The following NUBP1 variants were observed in gnomAD, a reference collection of about 807,000 sequenced individuals.
The protein encoded by NUBP1 is NUBP iron-sulfur cluster assembly factor 1, cytosolic, also known as cytosolic Fe-S cluster assembly factor NUBP1.
In NUBP1, 46 loss-of-function variants were observed where a neutral mutation model predicts 41.8. The observed-to-expected ratio is 1.10, with a 90% CI of 0.87 to 1.41. NUBP1 has a LOEUF of 1.41. Among genes scored for constraint, NUBP1 ranks in the 40% most tolerant of loss-of-function variants. The probability of loss-of-function intolerance (pLI) is 0.00; values close to 1 mark genes in which losing one functional copy is unlikely to be tolerated. For missense variants in NUBP1, 494 were observed against 414.0 expected, an observed-to-expected ratio of 1.19 and a Z score of -1.68; for synonymous variants, 189 against 154.6, an observed-to-expected ratio of 1.22 and a Z score of -1.65.
chr16:10,765,847 A>C lies in NUBP1; in HGVS notation c.821-2102A>C, dbSNP rs2030793368. ...GAACATTAAGTGCCTTCTAGTGGGC[A>C]TGGTCCTGTGTGTCAAATGGCACAT... On this transcript the variant is annotated intron_variant, in intron 9 of 10. Transcript: ENST00000283027. This position sits in a 1 kb window ranked among gnomAD's most constrained non-coding sequence, Gnocchi z 4.0. Among the ~76,000 whole-genome samples, 1 of 152,206 alleles carries C rather than the reference A, an allele frequency of 6.6e-6. No homozygotes were observed. Among genetic ancestry groups the C allele is most frequent in the South Asian group, 2.1e-4 (1 of 4,834 alleles).
intron 3 of NUBP1, among the ~76,000 whole-genome samples, chr16:10,750,819 G>T (rs1900284310): frequency 6.6e-6 from 1 of 152,198 alleles, no homozygotes; most frequent in South Asian, 2.1e-4. Context: ...TTGGGGTGCT[G>T]AGTAAAGGAG....
chr16:10,755,868 G>C, intron 5 of NUBP1, 115 bp downstream of exon 5: 2 of 971,144 alleles, frequency 2.1e-6, no homozygotes, highest in South Asian at 2.9e-5. Context: ...GAGGCACAGA[G>C]GATGTGATTA....
chr16:10,747,108 G>A (rs1285595818), intron 2 of NUBP1, 35 bp from the exon 3 acceptor site: 5 of 1,611,574 alleles, frequency 3.1e-6, no homozygotes, highest in Admixed American at 1.7e-5. Flanking sequence ...GTTTGGTGTG[G>A]GACCTCATCC....
intron 9 of NUBP1, among the ~76,000 whole-genome samples, chr16:10,763,348 G>A (rs905419987): frequency 2.0e-5 from 3 of 152,066 alleles, no homozygotes; most frequent in Non-Finnish European, 4.4e-5. Flanking sequence ...TCGAGGAAGT[G>A]GTAGGGGGGT....
chr16:10,752,579 T>C (rs752290801), intron 3 of NUBP1, 31 bp from the exon 4 acceptor site: 1 of 1,592,918 alleles, frequency 6.3e-7, no homozygotes, highest in Non-Finnish European at 8.6e-7. Flanking sequence ...CATTCAGTTA[T>C]ATAACCGCTT....
chr16:10,744,043 A>T lies in NUBP1; in HGVS notation c.102A>T (p.Gly34=). ...CCAACCAGCGGCTGTGCGCTTCTGGAGCGGGGGCCACTCCGGACACGGGTG... is the reference window on the plus strand; with the variant it reads ...CCAACCAGCGGCTGTGCGCTTCTGGTGCGGGGGCCACTCCGGACACGGGTG... ...GCPNQRLCAS[G]AGATPDTAIE... The change falls in exon 2 of 11, where the codon GGA becomes GGT. Residue 34 remains glycine, a synonymous_variant. Transcript: ENST00000283027. The T allele has an allele frequency of 6.3e-7, 1 of 1,576,270 alleles. No individual in the cohort carries two copies. The highest frequency in any genetic ancestry group is 1.2e-5 in the South Asian group (1 of 85,934).
rs1003659585 is a variant in NUBP1 at position 10,765,481 on chromosome 16, C to A, written c.821-2468C>A. On this transcript the variant is annotated intron_variant, in intron 9 of 10. Coordinates refer to ENST00000283027, the MANE Select transcript of NUBP1 (RefSeq NM_002484.4). This position sits in a 1 kb window ranked among gnomAD's most constrained non-coding sequence, Gnocchi z 4.0. The stretch of plus-strand genomic sequence containing the variant: ...CATGATCACACCACTGCACTCCAGC[C>A]TGGGCGACAGAGCAAGAACCTGTCT... Among the ~76,000 whole-genome samples the A allele has an allele frequency of 2.0e-5, 3 of 152,124 alleles. No individual in the cohort carries two copies. Among genetic ancestry groups the A allele is most frequent in the Non-Finnish European group, 4.4e-5 (3 of 68,026 alleles).
chr16:10,758,543 G>GA (rs1555473637), intron 7 of NUBP1, among the ~76,000 whole-genome samples: 1 of 151,470 alleles, frequency 6.6e-6, no homozygotes, highest in Non-Finnish European at 1.5e-5. Context: ...CAACGATTTG[G>GA]TTTTTTTTTA....
chr16:10,768,990 G>A lies in NUBP1; in HGVS notation c.905-57G>A. On this transcript the variant is annotated intron_variant, in intron 10 of 10. Transcript: ENST00000283027. The surrounding 1 kb of genome is among the most constrained non-coding windows in gnomAD (Gnocchi z 4.3). Reference sequence around the variant, plus strand: ...CACAGCCCTCCCCAGCACAGGACAGGGCTGTCAAGGGGTAGACAAGCCATT... The same window carrying A: ...CACAGCCCTCCCCAGCACAGGACAGAGCTGTCAAGGGGTAGACAAGCCATT... 1 of 1,508,000 alleles carries A rather than the reference G, an allele frequency of 6.6e-7. No individual in the cohort carries two copies. The highest frequency in any genetic ancestry group is 9.2e-7 in the Non-Finnish European group (1 of 1,083,752). The allele number at this position is 1,508,000 out of a possible 1,614,324, so 93.4% of individuals were successfully genotyped here.
Position 10,747,034 on chromosome 16 carries a change from C to T in NUBP1, c.125-109C>T, listed in dbSNP as rs140845712. On this transcript the variant is annotated intron_variant, in intron 2 of 10. Coordinates refer to ENST00000283027, the MANE Select transcript of NUBP1 (RefSeq NM_002484.4). ...ATTTCAGAGGATCGTTTTAAACAGCCCCAGGACTAGTACTAGGACTAGGAC... is the reference window on the plus strand; with the variant it reads ...ATTTCAGAGGATCGTTTTAAACAGCTCCAGGACTAGTACTAGGACTAGGAC... 307 of 1,332,738 alleles carry T rather than the reference C, an allele frequency of 2.3e-4. 1 individual carries two copies. In the African/African-American group the frequency reaches 4.2e-3, roughly 18 times the overall value. 82.6% of individuals were successfully genotyped at this position (1,332,738 alleles called of 1,614,324 possible).
At chr16:10,761,664 CTTTTT>C in intron 8 of NUBP1, 88 bp from the exon 9 acceptor site, 1 of 914,796 alleles carries the variant, frequency 1.1e-6, no homozygotes, top group Non-Finnish European at 1.6e-6. Context: ...CAAACTAAGC[CTTTTT>C]TTTTTTTTTA....
At chr16:10,756,102 G>A (rs1900536294) in intron 5 of NUBP1, among the ~76,000 whole-genome samples, 1 of 152,178 alleles carries the variant, frequency 6.6e-6, no homozygotes, top group Admixed American at 6.5e-5. Flanking sequence ...AAGGAGGCAG[G>A]GTGCAGTGGC....
intron 6 of NUBP1, 96 bp downstream of exon 6, chr16:10,756,876 T>C (rs1900596248): frequency 2.2e-6 from 2 of 914,308 alleles, no homozygotes; most frequent in South Asian, 3.3e-5. Context: ...CTCAGCCTGC[T>C]GGACTTCACA....
chr16:10,761,962 G>A lies in NUBP1; in HGVS notation c.820+103G>A, dbSNP rs2029983821. 8.9e-6 allele frequency: 8 copies of A among 901,536 alleles called. No individual in the cohort carries two copies. In the Admixed American group the frequency reaches 1.7e-4, roughly 19 times the overall value. The allele number at this position is 901,536 out of a possible 1,614,324, so 55.8% of individuals were successfully genotyped here. A position where few individuals can be genotyped will look rare whatever the true frequency, so the allele number is the denominator to read the frequency against. On this transcript the variant is annotated intron_variant, in intron 9 of 10. Coordinates refer to ENST00000283027, the MANE Select transcript of NUBP1 (RefSeq NM_002484.4). Reference sequence around the variant, plus strand: ...GCTACAGAGAGGGGCAATGGAAGGAGGAGGGTCAATGGGGCGCTGGAGCCA... The same window carrying A: ...GCTACAGAGAGGGGCAATGGAAGGAAGAGGGTCAATGGGGCGCTGGAGCCA...
In NUBP1 at chr16:10,759,314, A is replaced by C. The variant is rs969063367; in HGVS notation, c.606+1287A>C. Among the ~76,000 whole-genome samples the C allele has an allele frequency of 6.6e-6, 1 of 152,190 alleles. No homozygotes were observed. The highest frequency in any genetic ancestry group is 1.5e-5 in the Non-Finnish European group (1 of 68,028). ...GGGTGTCCGGGTCAGAAAATGGTGC[A>C]AGATTCATGTCCACCCTGGCATCCT... On this transcript the variant is annotated intron_variant, in intron 7 of 10. Transcript: ENST00000283027. The surrounding 1 kb of genome is among the most constrained non-coding windows in gnomAD (Gnocchi z 4.7).
Position 10,768,231 on chromosome 16 carries a change from T to A in NUBP1, c.904+199T>A. Reference sequence around the variant, plus strand: ...GAATTAATTCATAGTTTAAAAAACATGGTGAGGGTGAAATTTATGGCTTAG... The same window carrying A: ...GAATTAATTCATAGTTTAAAAAACAAGGTGAGGGTGAAATTTATGGCTTAG... On this transcript the variant is annotated intron_variant, in intron 10 of 10. Transcript: ENST00000283027. The surrounding 1 kb of genome is among the most constrained non-coding windows in gnomAD (Gnocchi z 4.3). 2.2e-6 allele frequency: 1 copy of A among 447,348 alleles called. No homozygotes were observed. Among genetic ancestry groups the A allele is most frequent in the Non-Finnish European group, 4.0e-6 (1 of 251,938 alleles). The allele number at this position is 447,348 out of a possible 1,614,324, so 27.7% of individuals were successfully genotyped here.
At chr16:10,754,872 C>T (rs1174065271) in intron 4 of NUBP1, among the ~76,000 whole-genome samples, 2 of 151,966 alleles carry the variant, frequency 1.3e-5, no homozygotes, top group Non-Finnish European at 2.9e-5. Flanking sequence ...TGGTGAAACC[C>T]CGTCTCTACA....
At chr16:10,762,714 T>A (rs2030154320) in intron 9 of NUBP1, among the ~76,000 whole-genome samples, 1 of 151,820 alleles carries the variant, frequency 6.6e-6, no homozygotes, top group Admixed American at 6.6e-5. Flanking sequence ...ACTCCATTTG[T>A]CAGGGAACCA....
Position 10,769,032 on chromosome 16 carries a change from C to T in NUBP1, c.905-15C>T, listed in dbSNP as rs1296926155. 4 of 1,613,398 alleles carry T rather than the reference C, an allele frequency of 2.5e-6. No individual in the cohort carries two copies. The highest frequency in any genetic ancestry group is 3.4e-6 in the Non-Finnish European group (4 of 1,179,378). On this transcript the variant is annotated splice_polypyrimidine_tract_variant and intron_variant, in intron 10 of 10. Coordinates refer to ENST00000283027, the MANE Select transcript of NUBP1 (RefSeq NM_002484.4). Reference sequence around the variant, plus strand: ...CAAGCCATTAGCACTCTATGCCTGTCGTCTTGTTTTCCAGGAATCCAAGAG... The same window carrying T: ...CAAGCCATTAGCACTCTATGCCTGTTGTCTTGTTTTCCAGGAATCCAAGAG...
Sources: gnomAD v4.1 joint callset for allele counts (sites outside exome capture counted in the v4.1 genomes callset) on GRCh38, gnomAD v4.1.1 for gene constraint, Gnocchi (gnomAD v3.1) non-coding constraint, MANE v1.5 for transcripts, NCBI Gene and HGNC (gene_info 2026-07-23, HGNC 2026-07-21) for gene names.